The following TBCD variants were observed in gnomAD, a reference collection of about 807,000 sequenced individuals.
TBCD encodes tubulin folding cofactor D.
TBCD carries 105 observed loss-of-function variants against 169.3 expected under a neutral mutation model. That is an observed-to-expected ratio of 0.62 (90% CI 0.53 to 0.73). The LOEUF is 0.73. TBCD is among the 30% of genes least tolerant of loss of function. The probability of loss-of-function intolerance (pLI) is 0.00; values close to 1 mark genes in which losing one functional copy is unlikely to be tolerated. For synonymous variants in TBCD, 700 were observed against 643.9 expected (o/e 1.09, Z -1.32); for missense variants, 1,444 against 1,600.1 (o/e 0.90, Z 1.66).
rs1441803046 is a variant in TBCD at position 82,903,818 on chromosome 17, C to T, written c.1804+340C>T. On this transcript the variant is annotated intron_variant, in intron 19 of 38. Coordinates refer to ENST00000355528, the MANE Select transcript of TBCD (RefSeq NM_005993.5). The surrounding 1 kb of genome is among the most constrained non-coding windows in gnomAD (Gnocchi z 4.8). Reference sequence around the variant, plus strand: ...CTGGTCTCTAGGTGGCTCGCACCTGCCACACGACACTCCCTGGTCTCTAGG... The same window carrying T: ...CTGGTCTCTAGGTGGCTCGCACCTGTCACACGACACTCCCTGGTCTCTAGG... 8.1e-6 allele frequency among the ~76,000 whole-genome samples: 1 copy of T among 123,644 alleles called. No individual in the cohort carries two copies. Among genetic ancestry groups the T allele is most frequent in the East Asian group, 2.4e-4 (1 of 4,148 alleles). 81.1% of individuals were successfully genotyped at this position (123,644 alleles called of 152,430 possible).
At chr17:82,763,421 TTTTG>T (rs928665640) in intron 2 of TBCD, among the ~76,000 whole-genome samples, 1 of 152,154 alleles carries the variant, frequency 6.6e-6, no homozygotes, top group Non-Finnish European at 1.5e-5. Context: ...AGCTATGTCT[TTTTG>T]TTTGTTTTTG....
chr17:82,872,031 T>TA, intron 14 of TBCD, among the ~76,000 whole-genome samples: 1 of 152,272 alleles, frequency 6.6e-6, no homozygotes, highest in Non-Finnish European at 1.5e-5. Flanking sequence ...TGTTCCATCT[T>TA]ACCAAATACT....
intron 14 of TBCD, among the ~76,000 whole-genome samples, chr17:82,881,924 CCCTT>C (rs1275663197): frequency 6.6e-6 from 1 of 150,386 alleles, no homozygotes; most frequent in African/African-American, 2.4e-5. Context: ...CTCCCCTCCT[CCCTT>C]CCTCCCTCCC....
chr17:82,924,377 C>T (rs562438201), intron 26 of TBCD, among the ~76,000 whole-genome samples: 48 of 152,314 alleles, frequency 3.2e-4, no homozygotes, highest in Admixed American at 2.2e-3. Context: ...CGCCGTGTCC[C>T]GTGCGTAGCT....
At chr17:82,765,764 A>G (rs1568100436) in intron 3 of TBCD, among the ~76,000 whole-genome samples, 1 of 152,248 alleles carries the variant, frequency 6.6e-6, no homozygotes, top group Non-Finnish European at 1.5e-5. Flanking sequence ...AAATGAACAT[A>G]TTTAATGACT....
At position 82,813,301 on chromosome 17, in the gene TBCD, C is replaced by T. The variant is rs184907873; in HGVS notation, c.1224-1539C>T. ...TCTCTCTCTCTCTTCCTCTCCCGCT[C>T]ATCCGCCCACTCATAGCTTCCACTA... On this transcript the variant is annotated intron_variant, in intron 12 of 38. Coordinates refer to ENST00000355528, the MANE Select transcript of TBCD (RefSeq NM_005993.5). 3.0e-3 allele frequency among the ~76,000 whole-genome samples: 455 copies of T among 152,296 alleles called. 3 individuals carry two copies. The highest frequency in any genetic ancestry group is 3.9e-3 in the Non-Finnish European group (265 of 68,028).
chr17:82,904,271 G>C (rs1172485340), intron 19 of TBCD, among the ~76,000 whole-genome samples: 2 of 146,748 alleles, frequency 1.4e-5, no homozygotes, highest in Non-Finnish European at 3.0e-5. Flanking sequence ...TTGGTCTCTA[G>C]GTGGCTTCCA....
chr17:82,762,009 T>A (rs1309409027), intron 2 of TBCD, among the ~76,000 whole-genome samples: 1 of 151,274 alleles, frequency 6.6e-6, no homozygotes, highest in Admixed American at 6.6e-5. Flanking sequence ...TTGTTTCTTC[T>A]TTTATCTGTT....
intron 34 of TBCD, among the ~76,000 whole-genome samples, chr17:82,935,451 T>C (rs1212844391): frequency 6.6e-6 from 1 of 152,204 alleles, no homozygotes; most frequent in Non-Finnish European, 1.5e-5. Context: ...ACAGGACTTT[T>C]CCCTGTGCTG....
chr17:82,814,663 GAGCCGCTGTGCCC>G (rs1171687902), intron 12 of TBCD, among the ~76,000 whole-genome samples, 164 bp from the exon 13 acceptor site: 1 of 152,252 alleles, frequency 6.6e-6, no homozygotes, highest in African/African-American at 2.4e-5. Flanking sequence ...TTATAGGCGT[GAGCCGCTGTGCCC>G]AGCCTTGATA....
chr17:82,931,699 G>A (rs909351030), intron 33 of TBCD, among the ~76,000 whole-genome samples: 5 of 152,222 alleles, frequency 3.3e-5, no homozygotes, highest in Non-Finnish European at 5.9e-5. Flanking sequence ...CTCTCTGTGG[G>A]CTGCGGAGCC....
intron 13 of TBCD, chr17:82,830,210 C>G (rs2053353749): frequency 1.2e-6 from 2 of 1,614,268 alleles, no homozygotes; most frequent in Admixed American, 3.3e-5. Context: ...GCCTTCTTAG[C>G]TCCTTGCTGG....
intron 14 of TBCD, among the ~76,000 whole-genome samples, chr17:82,875,331 G>A (rs1013191227): frequency 6.6e-6 from 1 of 152,218 alleles, no homozygotes; most frequent in Non-Finnish European, 1.5e-5. Flanking sequence ...GGCAGTGACA[G>A]TGCGAAGTTA....
In TBCD at chr17:82,833,951, T is replaced by TC. The variant is rs2053734762; in HGVS notation, c.1318+19017_1318+19018insC. Among the ~76,000 whole-genome samples the TC allele has an allele frequency of 6.6e-6, 1 of 151,946 alleles. No individual in the cohort carries two copies. The highest frequency in any genetic ancestry group is 1.9e-4 in the East Asian group (1 of 5,196). On this transcript the variant is annotated intron_variant, in intron 13 of 38. Coordinates refer to ENST00000355528, the MANE Select transcript of TBCD (RefSeq NM_005993.5). This position sits in a 1 kb window ranked among gnomAD's most constrained non-coding sequence, Gnocchi z 4.7. The stretch of plus-strand genomic sequence containing the variant: ...CCCAAGGCTGAGAACAAAGGCTGTT[T>TC]TTCTTTTTTTGAGACAGAGTTTCTC...
intron 7 of TBCD, among the ~76,000 whole-genome samples, chr17:82,788,977 G>C (rs1159129057): frequency 6.6e-6 from 1 of 152,222 alleles, no homozygotes; most frequent in African/African-American, 2.4e-5. Context: ...TTTCTCTTCA[G>C]ATTTGGGGAA....
chr17:82,911,276 C>T (rs1216901248), intron 22 of TBCD, among the ~76,000 whole-genome samples: 1 of 152,102 alleles, frequency 6.6e-6, no homozygotes, highest in Non-Finnish European at 1.5e-5. Flanking sequence ...TTTTGCCCTC[C>T]CCAGGGCAGC....
intron 5 of TBCD, 76 bp from the exon 6 acceptor site, chr17:82,772,376 G>A: frequency 6.8e-7 from 1 of 1,467,758 alleles, no homozygotes; most frequent in South Asian, 1.1e-5. Flanking sequence ...GTGAGGGTGG[G>A]ACTGGTGACT....
At chr17:82,878,243 G>A (rs1272978506) in intron 14 of TBCD, among the ~76,000 whole-genome samples, 3 of 126,812 alleles carry the variant, frequency 2.4e-5, no homozygotes, top group African/African-American at 8.9e-5. Context: ...TATCTTTCTT[G>A]ATCTTGGGGC....
At position 82,929,346 on chromosome 17, in the gene TBCD, A is replaced by G; in HGVS notation, c.2853-16A>G. On this transcript the variant is annotated splice_polypyrimidine_tract_variant and intron_variant, in intron 31 of 38. Coordinates refer to ENST00000355528, the MANE Select transcript of TBCD (RefSeq NM_005993.5). ...ATCATTGGCAGCCCGGCCTTGTCTC[A>G]CTCACTCTCTTGCAGGTCCGATGTG... The G allele has an allele frequency of 6.2e-7, 1 of 1,610,780 alleles. No homozygotes were observed. Among genetic ancestry groups the G allele is most frequent in the Non-Finnish European group, 8.5e-7 (1 of 1,177,820 alleles).
Sources: gnomAD v4.1 joint callset for allele counts (sites outside exome capture counted in the v4.1 genomes callset) on GRCh38, gnomAD v4.1.1 for gene constraint, Gnocchi (gnomAD v3.1) non-coding constraint, MANE v1.5 for transcripts, NCBI Gene and HGNC (gene_info 2026-07-23, HGNC 2026-07-21) for gene names.